The following CFAP97 variants were observed in gnomAD, a reference collection of about 807,000 sequenced individuals.
CFAP97 encodes the protein cilia- and flagella-associated protein 97.
A neutral mutation model predicts 43.1 loss-of-function variants in CFAP97; 36 were observed. That is an observed-to-expected ratio of 0.84 (90% CI 0.64 to 1.10). CFAP97 has a LOEUF of 1.10. Among genes scored for constraint, CFAP97 ranks in the 50% least tolerant of loss-of-function variants. The pLI, the probability that CFAP97 is intolerant of heterozygous loss-of-function variation, is 0.00. For missense variants in CFAP97, 657 were observed against 620.3 expected (o/e 1.06, Z -0.63); for synonymous variants, 228 against 225.7 (o/e 1.01, Z -0.09).
At chr4:185,174,735 C>G (rs1735448850) in intron 3 of CFAP97, among the ~76,000 whole-genome samples, 1 of 152,076 alleles carries the variant, frequency 6.6e-6, no homozygotes, top group South Asian at 2.1e-4. Flanking sequence ...CCTGTCTAAC[C>G]CTCAGTTTTT....
intron 3 of CFAP97, among the ~76,000 whole-genome samples, chr4:185,175,466 G>C (rs991304747): frequency 6.6e-6 from 1 of 151,960 alleles, no homozygotes; most frequent in African/African-American, 2.4e-5. Flanking sequence ...GGTAGAGCTG[G>C]GGTTTTGCCA....
chr4:185,200,103 G>A (rs984383183), intron 1 of CFAP97, among the ~76,000 whole-genome samples: 4 of 152,226 alleles, frequency 2.6e-5, no homozygotes, highest in Admixed American at 2.6e-4. Flanking sequence ...ATAGGAGGAG[G>A]TCAAAATATC....
At chr4:185,185,633 C>CCT (rs1735976680) in intron 2 of CFAP97, among the ~76,000 whole-genome samples, 1 of 105,958 alleles carries the variant, frequency 9.4e-6, no homozygotes. Flanking sequence ...ATTTGCCAAC[C>CCT]TTTTTTTTTT....
In CFAP97 at chr4:185,162,563, T is replaced by A. The variant is rs1284151772; in HGVS notation, c.*235A>T. The A allele has an allele frequency of 2.0e-6, 1 of 487,998 alleles. No homozygotes were observed. Among genetic ancestry groups the A allele is most frequent in the Non-Finnish European group, 3.7e-6 (1 of 273,608 alleles). 30.2% of individuals were successfully genotyped at this position (487,998 alleles called of 1,614,324 possible). ...ATTAGAAGATACACATGCATACCAC[T>A]ATTTCTCTATTAAGAACACATACAT... On this transcript the variant is annotated 3_prime_UTR_variant, in exon 5 of 5. Transcript: ENST00000458385.
intron 2 of CFAP97, among the ~76,000 whole-genome samples, chr4:185,189,754 G>A (rs1736148967): frequency 6.6e-6 from 1 of 152,162 alleles, no homozygotes. Context: ...TCCCTGATAT[G>A]AGGACGCCAC....
rs1056339802 is a variant in CFAP97, at chr4:185,190,975, T to G, written c.222A>C (p.Lys74Asn). Residue 74 changes from lysine (K) to asparagine (N), a missense_variant, in exon 2 of 5, where the codon AAA (lysine) becomes AAC (asparagine). Physicochemically the swap from Lys to Asn is moderately conservative, Grantham distance 94. Transcript: ENST00000458385. ...TCTCTACGGGGTGTTCTGGGGGAAA[T>G]TTCACGTTTCTTTCATTTCCCTTCT... ...LTEKGNERNVKFPPEHPVEND... is the reference protein window; with the variant it reads ...LTEKGNERNVNFPPEHPVEND... 6.2e-7 allele frequency: 1 copy of G among 1,613,686 alleles called. No homozygotes were observed. Among genetic ancestry groups the G allele is most frequent in the South Asian group, 1.1e-5 (1 of 91,040 alleles).
At chr4:185,166,324 C>T (rs995168273) in intron 3 of CFAP97, among the ~76,000 whole-genome samples, 3 of 152,172 alleles carry the variant, frequency 2.0e-5, no homozygotes, top group African/African-American at 7.2e-5. Context: ...GCAGGAACTT[C>T]CTGGGGCCAC....
At chr4:185,208,359 T>C (rs141730212), upstream of CFAP97, among the ~76,000 whole-genome samples, 94 of 152,260 alleles carry the variant, frequency 6.2e-4, no homozygotes, top group African/African-American at 2.1e-3. Flanking sequence ...GGTAACTTAT[T>C]TTGATCATCC....
chr4:185,191,583 G>C (rs926647712), intron 1 of CFAP97, among the ~76,000 whole-genome samples: 18 of 152,324 alleles, frequency 1.2e-4, no homozygotes, highest in Non-Finnish European at 2.4e-4. Context: ...TGTAATCCCA[G>C]CACTTTGGGA....
chr4:185,172,124 T>C (rs1466363927), intron 3 of CFAP97, among the ~76,000 whole-genome samples: 1 of 152,208 alleles, frequency 6.6e-6, no homozygotes, highest in Middle Eastern at 3.2e-3. Context: ...TAAATTATAA[T>C]GATAATTGAG....
At chr4:185,184,020 CTAAT>C (rs1735906551) in intron 2 of CFAP97, among the ~76,000 whole-genome samples, 1 of 152,052 alleles carries the variant, frequency 6.6e-6, no homozygotes, top group Non-Finnish European at 1.5e-5. Context: ...TTCTCTATAT[CTAAT>C]TAAGTTTCAG....
chr4:185,179,463 G>C (rs140319044), intron 2 of CFAP97, among the ~76,000 whole-genome samples: 1 of 152,100 alleles, frequency 6.6e-6, no homozygotes, highest in Admixed American at 6.6e-5. Context: ...GACTTTTGAG[G>C]CTAGGTCATA....
Position 185,190,566 on chromosome 4 carries a change from CAT to C in CFAP97, c.629_630del (p.His210ArgfsTer14). 1 of 1,613,860 alleles carries C rather than the reference CAT, an allele frequency of 6.2e-7. No individual in the cohort carries two copies. Among genetic ancestry groups the C allele is most frequent in the Non-Finnish European group, 8.5e-7 (1 of 1,179,832 alleles). On this transcript the variant is annotated frameshift_variant, in exon 2 of 5. Coordinates refer to ENST00000458385, the MANE Select transcript of CFAP97 (RefSeq NM_020827.3). LOFTEE classifies it high-confidence loss of function. Reference protein sequence around the residue: ...SSPSSKSSKKHVSGITLLSPK... With the variant: ...SSPSSKSSKKXVSGITLLSPK... The stretch of plus-strand genomic sequence containing the variant: ...GGTGACAGGAGGGTTATACCAGATA[CAT>C]GTTTCTTAGATGACTTAGATGACGG...
In CFAP97 at chr4:185,190,730, G is replaced by A. The variant is rs1400476118; in HGVS notation, c.467C>T (p.Thr156Ile). 3 of 1,579,596 alleles carry A rather than the reference G, an allele frequency of 1.9e-6. No individual in the cohort carries two copies. Among genetic ancestry groups the A allele is most frequent in the Non-Finnish European group, 2.6e-6 (3 of 1,160,952 alleles). The change falls in exon 2 of 5, where the codon ACT becomes ATT. Residue 156 changes from threonine to isoleucine, a missense_variant. Transcript: ENST00000458385. ...TTTCCTTATGCTTTTTTTAACGTTAGTAGATGGTTTAGCGGACTTGGACTT... is the reference window on the plus strand; with the variant it reads ...TTTCCTTATGCTTTTTTTAACGTTAATAGATGGTTTAGCGGACTTGGACTT... ...HVKSKSAKPS[T>I]NVKKSIRKKY...
Position 185,191,173 on chromosome 4 carries a change from T to A in CFAP97, c.24A>T (p.Leu8Phe), listed in dbSNP as rs1484889315. Residue 8 changes from leucine (L) to phenylalanine (F), a missense_variant, in exon 2 of 5, where the codon TTA (leucine) becomes TTT (phenylalanine). Physicochemically the swap from Leu to Phe is conservative, Grantham distance 22 (BLOSUM62 0). Coordinates refer to ENST00000458385, the MANE Select transcript of CFAP97 (RefSeq NM_020827.3). ...AGAAAGAATGGTCCACTTCACCTTC[T>A]AATATATCTCCAAACTGATCCATGA... MDQFGDI[L>F]EGEVDHSFFD... is the part of the protein sequence containing the mutation. 1 of 1,584,892 alleles carries A rather than the reference T, an allele frequency of 6.3e-7. No homozygotes were observed. The highest frequency in any genetic ancestry group is 1.4e-5 in the African/African-American group (1 of 73,592).
At chr4:185,182,406 T>C (rs1381001145) in intron 2 of CFAP97, 3 of 152,184 alleles carry the variant, frequency 2.0e-5, no homozygotes, top group African/African-American at 7.2e-5. Flanking sequence ...CAGCCACCCT[T>C]GAGCTAAAAG....
Position 185,162,920 on chromosome 4 carries a change from A to AAGCTCCTGAAAATATAAAAAG in CFAP97, c.1472-16_1476dup (p.Ala492_Ser493insLeuPheIlePheSerGlyAla). Reference sequence around the variant, plus strand: ...CCACTCGTAGCACTGGATGTCCTGGAAGCTCCTGAAAATATAAAAAGAAGA... The same window carrying AAGCTCCTGAAAATATAAAAAG: ...CCACTCGTAGCACTGGATGTCCTGGAAGCTCCTGAAAATATAAAAAGAGCTCCTGAAAATATAAAAAGAAGA... On this transcript the variant is annotated inframe_insertion, in exon 5 of 5. Transcript: ENST00000458385. The AAGCTCCTGAAAATATAAAAAG allele has an allele frequency of 6.4e-7, 1 of 1,554,290 alleles. No individual in the cohort carries two copies. Among genetic ancestry groups the AAGCTCCTGAAAATATAAAAAG allele is most frequent in the Non-Finnish European group, 8.6e-7 (1 of 1,157,800 alleles).
upstream of CFAP97, among the ~76,000 whole-genome samples, chr4:185,207,315 C>T (rs1737231566): frequency 7.1e-6 from 1 of 140,286 alleles, no homozygotes; most frequent in Non-Finnish European, 1.5e-5. Context: ...CTCCCAGGTT[C>T]ACACCGTTCT....
chr4:185,186,963 G>GTC (rs1322760105), intron 2 of CFAP97, among the ~76,000 whole-genome samples: 3 of 152,172 alleles, frequency 2.0e-5, no homozygotes, highest in African/African-American at 7.2e-5. Context: ...GCAGCCTGCT[G>GTC]TCTGTCAACC....
Sources: gnomAD v4.1 joint callset for allele counts (sites outside exome capture counted in the v4.1 genomes callset) on GRCh38, gnomAD v4.1.1 for gene constraint, MANE v1.5 for transcripts, NCBI Gene and HGNC (gene_info 2026-07-23, HGNC 2026-07-21) for gene names.